The following AGBL4 variants were observed in gnomAD, a reference collection of about 807,000 sequenced individuals.
AGBL4 encodes AGBL carboxypeptidase 4.
In AGBL4, 58 loss-of-function variants were observed where a neutral mutation model predicts 66.4. That is an observed-to-expected ratio of 0.87 (90% confidence interval 0.71 to 1.09). AGBL4 has a LOEUF of 1.09. Among genes scored for constraint, AGBL4 ranks in the 50% least tolerant of loss-of-function variants. The pLI is 0.00. For missense variants in AGBL4, 579 were observed against 631.0 expected, an observed-to-expected ratio of 0.92 and a Z score of 0.88; for synonymous variants, 234 against 222.9, an observed-to-expected ratio of 1.05 and a Z score of -0.44.
At position 50,006,783 on chromosome 1, in the gene AGBL4, A is replaced by G. The variant is rs368984052; in HGVS notation, c.34+16980T>C. ...TTCCCAGACAAACAAAAGCTGAGGG[A>G]TTTCATCAACACTGGACTTGTCCTA... is the stretch of plus-strand genomic sequence containing the variant. On this transcript the variant is annotated intron_variant, in intron 1 of 13. Transcript: ENST00000371839. Among the ~76,000 whole-genome samples the G allele has an allele frequency of 7.9e-5, 12 of 152,322 alleles. No individual in the cohort carries two copies. In the South Asian group the frequency reaches 8.3e-4, roughly 11 times the overall value.
chr1:49,275,106 T>C (rs1644141841), intron 3 of AGBL4, among the ~76,000 whole-genome samples: 1 of 152,206 alleles, frequency 6.6e-6, no homozygotes, highest in South Asian at 2.1e-4. Context: ...ACATAATTAA[T>C]GACACTAGTT....
intron 1 of AGBL4, among the ~76,000 whole-genome samples, chr1:49,855,554 T>C (rs1174506598): frequency 6.6e-6 from 1 of 152,142 alleles, no homozygotes; most frequent in East Asian, 1.9e-4. Context: ...ATCAAATATC[T>C]TGTCAGACCA....
chr1:49,788,912 C>T (rs1644524754), intron 2 of AGBL4, among the ~76,000 whole-genome samples: 1 of 152,204 alleles, frequency 6.6e-6, no homozygotes, highest in South Asian at 2.1e-4. Context: ...GCATCCTTGT[C>T]TTGTGCTGGT....
At chr1:49,237,041 G>A (rs1650810879) in intron 4 of AGBL4, among the ~76,000 whole-genome samples, 1 of 151,566 alleles carries the variant, frequency 6.6e-6, no homozygotes, top group Middle Eastern at 3.2e-3. Flanking sequence ...GGATCATGAG[G>A]TTAGGAGATC....
At chr1:49,283,815 G>A (rs1241849614) in intron 3 of AGBL4, among the ~76,000 whole-genome samples, 4 of 146,418 alleles carry the variant, frequency 2.7e-5, no homozygotes, top group Non-Finnish European at 4.5e-5. Flanking sequence ...GGGAAGTTTA[G>A]AGAAAAAAGA....
intron 3 of AGBL4, among the ~76,000 whole-genome samples, chr1:49,635,693 A>C (rs1005412088): frequency 6.6e-6 from 1 of 152,196 alleles, no homozygotes. Flanking sequence ...ACAGTGAGAA[A>C]CTTCTTCATA....
chr1:49,853,183 G>A (rs1388065216), intron 1 of AGBL4, among the ~76,000 whole-genome samples: 2 of 151,960 alleles, frequency 1.3e-5, no homozygotes, highest in Non-Finnish European at 2.9e-5. Context: ...ACCAGATACT[G>A]GAATTATCAG....
chr1:48,689,488 C>A (rs2148490694), intron 6 of AGBL4, among the ~76,000 whole-genome samples: 1 of 149,804 alleles, frequency 6.7e-6, no homozygotes, highest in Admixed American at 6.7e-5. Flanking sequence ...TCCCTTCCTC[C>A]TTCTGTCCTT....
intron 4 of AGBL4, among the ~76,000 whole-genome samples, chr1:49,190,058 G>T (rs913804261): frequency 6.6e-6 from 1 of 152,202 alleles, no homozygotes. Context: ...AGAGAGTCAG[G>T]TTGCTAGCCT....
intron 5 of AGBL4, among the ~76,000 whole-genome samples, chr1:48,983,517 G>A (rs1036874498): frequency 3.9e-5 from 6 of 152,102 alleles, no homozygotes; most frequent in African/African-American, 1.4e-4. Context: ...TATTGTAAAA[G>A]GCAACAAAGC....
intron 3 of AGBL4, among the ~76,000 whole-genome samples, chr1:49,663,122 C>T (rs1170201422): frequency 6.6e-6 from 1 of 152,074 alleles, no homozygotes; most frequent in African/African-American, 2.4e-5. Flanking sequence ...AGGAGTTTAA[C>T]TCTGAAAAGT....
chr1:49,864,296 T>C (rs896904370), intron 1 of AGBL4, among the ~76,000 whole-genome samples: 2 of 152,054 alleles, frequency 1.3e-5, no homozygotes, highest in Non-Finnish European at 2.9e-5. Flanking sequence ...CAGGTGGATA[T>C]GGTTAATGGG....
intron 3 of AGBL4, among the ~76,000 whole-genome samples, chr1:49,329,830 G>A (rs577448295): frequency 6.6e-6 from 1 of 152,300 alleles, no homozygotes; most frequent in East Asian, 1.9e-4. Flanking sequence ...CAGTTGGAAT[G>A]TGATAATTCT....
intron 4 of AGBL4, among the ~76,000 whole-genome samples, chr1:49,055,158 T>C (rs1011196618): frequency 1.3e-5 from 2 of 152,026 alleles, no homozygotes; most frequent in African/African-American, 4.8e-5. Context: ...CTATTTTTAA[T>C]TGTACATTTA....
intron 3 of AGBL4, among the ~76,000 whole-genome samples, chr1:49,611,123 C>T (rs1199430342): frequency 2.0e-5 from 3 of 152,002 alleles, no homozygotes; most frequent in African/African-American, 4.8e-5. Context: ...ATGTAAATGT[C>T]GCTTTAAGAG....
chr1:49,284,443 A>G (rs1435331704), intron 3 of AGBL4, among the ~76,000 whole-genome samples: 2 of 152,264 alleles, frequency 1.3e-5, no homozygotes, highest in Non-Finnish European at 2.9e-5. Context: ...GACCATCGAG[A>G]CTAGGAAGAA....
chr1:49,948,547 A>G (rs1175166902), intron 1 of AGBL4, among the ~76,000 whole-genome samples: 33 of 122,470 alleles, frequency 2.7e-4, no homozygotes, highest in African/African-American at 1.0e-3. Context: ...ATATATAAAT[A>G]TATATAAATA....
intron 3 of AGBL4, among the ~76,000 whole-genome samples, chr1:49,671,828 A>G (rs1021107301): frequency 1.3e-5 from 2 of 152,122 alleles, no homozygotes; most frequent in African/African-American, 4.8e-5. Context: ...TAAAAGTCAA[A>G]AAAATAACAG....
At chr1:49,308,289 A>G (rs563169946) in intron 3 of AGBL4, among the ~76,000 whole-genome samples, 2 of 152,268 alleles carry the variant, frequency 1.3e-5, no homozygotes, top group East Asian at 3.9e-4. Context: ...TAAATGTTCT[A>G]TTGATTGTAC....
Sources: allele counts gnomAD v4.1 joint callset (sites outside exome capture counted in the v4.1 genomes callset), GRCh38; gene constraint gnomAD v4.1.1; transcripts MANE v1.5; gene names NCBI Gene and HGNC (gene_info 2026-07-23, HGNC 2026-07-21).